The following FLVCR2 variants were observed in gnomAD, a reference collection of about 807,000 sequenced individuals.
FLVCR2 encodes choline/ethanolamine transporter FLVCR2.
Under a neutral mutation model 48.9 loss-of-function variants are expected in FLVCR2, and 38 were observed. That is an observed-to-expected ratio of 0.78 (90% CI 0.60 to 1.02). The LOEUF (loss-of-function observed/expected upper bound fraction) is 1.02. Among genes scored for constraint, FLVCR2 ranks in the 50% least tolerant of loss-of-function variants. FLVCR2 has a pLI of 0.00. For missense variants in FLVCR2, 664 were observed against 663.3 expected (o/e 1.00, Z -0.01); for synonymous variants, 255 against 257.0 (o/e 0.99, Z 0.07).
intron 9 of FLVCR2, among the ~76,000 whole-genome samples, chr14:75,643,657 A>G (rs1243868065): frequency 6.6e-6 from 1 of 152,242 alleles, no homozygotes; most frequent in East Asian, 1.9e-4. Flanking sequence ...AGCCTAGAAC[A>G]GGAAATTCAC....
intron 1 of FLVCR2, chr14:75,596,064 T>C: frequency 8.1e-7 from 1 of 1,241,626 alleles, no homozygotes; most frequent in South Asian, 1.2e-5. Flanking sequence ...TGTGGTCTTG[T>C]ACATTTTGGC....
chr14:75,591,368 T>G (rs1410049987), intron 1 of FLVCR2, among the ~76,000 whole-genome samples: 19 of 152,198 alleles, frequency 1.2e-4, no homozygotes. Flanking sequence ...ATCTTAAACC[T>G]CCAGAATAAT....
Position 75,622,069 on chromosome 14 carries a change from T to C in FLVCR2, c.670-10T>C. 1 of 1,614,172 alleles carries C rather than the reference T, an allele frequency of 6.2e-7. No individual in the cohort carries two copies. The highest frequency in any genetic ancestry group is 8.5e-7 in the Non-Finnish European group (1 of 1,180,000). On this transcript the variant is annotated splice_polypyrimidine_tract_variant and intron_variant, in intron 1 of 9. Coordinates refer to ENST00000238667, the MANE Select transcript of FLVCR2 (RefSeq NM_017791.3). ...GGTAACTGTGATTGGGTTGTCTCTG[T>C]CTTCTATAGCTTGGAATTGCGATTG...
At chr14:75,599,995 T>G (rs898076264) in intron 1 of FLVCR2, among the ~76,000 whole-genome samples, 2 of 152,160 alleles carry the variant, frequency 1.3e-5, no homozygotes, top group Non-Finnish European at 2.9e-5. Context: ...TGACACCTAC[T>G]GGGCTGCACT....
chr14:75,638,617 G>A (rs534555816), intron 5 of FLVCR2, among the ~76,000 whole-genome samples: 9 of 152,226 alleles, frequency 5.9e-5, no homozygotes, highest in East Asian at 1.9e-4. Context: ...GAATGTCACC[G>A]CCACCTCATC....
intron 1 of FLVCR2, among the ~76,000 whole-genome samples, chr14:75,605,006 A>G (rs10047822): frequency 0.33 from 50,150 of 152,072 alleles, 10,854 homozygotes; most frequent in East Asian, 0.65. Flanking sequence ...CTTTAGTCTC[A>G]CAAACCTGAG....
intron 3 of FLVCR2, 58 bp from the exon 4 acceptor site, chr14:75,633,571 A>G: frequency 2.2e-6 from 3 of 1,355,800 alleles, no homozygotes; most frequent in Non-Finnish European, 3.2e-6. Context: ...GGGAGAAGTT[A>G]GCAATGGCCC....
At chr14:75,637,880 C>T (rs546610442) in intron 5 of FLVCR2, among the ~76,000 whole-genome samples, 29 of 151,972 alleles carry the variant, frequency 1.9e-4, no homozygotes, top group African/African-American at 6.0e-4. Context: ...TTGCAGGAGT[C>T]GGGGCTGCAT....
At chr14:75,606,271 C>A (rs889428849) in intron 1 of FLVCR2, among the ~76,000 whole-genome samples, 1 of 152,178 alleles carries the variant, frequency 6.6e-6, no homozygotes. Context: ...AAGTGATCTG[C>A]CTTCCTCTGT....
In FLVCR2 at chr14:75,641,058, C is replaced by T; in HGVS notation, c.1339C>T (p.Gln447Ter). The part of the protein sequence containing the change: ...ISSGLLNISA[Q>*]VFGIIFTISQ... ...CTCCGGCCTCCTCAACATATCTGCA[C>T]AGGTAGAGCTCGTATTTCCTGTTTG... The change falls in exon 7 of 10, where the codon CAG becomes TAG. Residue 447 changes from glutamine to a stop codon, truncating the protein, a stop_gained and splice_region_variant. Coordinates refer to ENST00000238667, the MANE Select transcript of FLVCR2 (RefSeq NM_017791.3). LOFTEE classifies it high-confidence loss of function. The T allele has an allele frequency of 6.2e-7, 1 of 1,611,108 alleles. No homozygotes were observed. The highest frequency in any genetic ancestry group is 8.5e-7 in the Non-Finnish European group (1 of 1,177,222).
chr14:75,618,353 G>A (rs917459566), intron 1 of FLVCR2, among the ~76,000 whole-genome samples: 2 of 152,182 alleles, frequency 1.3e-5, no homozygotes, highest in Admixed American at 6.5e-5. Flanking sequence ...TACTGGTGAC[G>A]TTTGTTATGG....
chr14:75,621,362 T>C (rs894395025), intron 1 of FLVCR2, among the ~76,000 whole-genome samples: 3 of 150,890 alleles, frequency 2.0e-5, no homozygotes, highest in Non-Finnish European at 2.9e-5. Context: ...GAGCCGAGAT[T>C]GCGCCACTGC....
chr14:75,601,249 C>A (rs979642018), intron 1 of FLVCR2, among the ~76,000 whole-genome samples: 3 of 152,250 alleles, frequency 2.0e-5, no homozygotes, highest in Non-Finnish European at 4.4e-5. Context: ...CTTAAGAATG[C>A]CTTTAAGCGG....
At chr14:75,622,306 G>A in intron 2 of FLVCR2, 86 bp downstream of exon 2, 1 of 1,264,458 alleles carries the variant, frequency 7.9e-7, no homozygotes, top group South Asian at 1.2e-5. Context: ...TTGTGAACAT[G>A]CCCTGAAATA....
At chr14:75,625,449 G>T (rs1173795162) in intron 3 of FLVCR2, among the ~76,000 whole-genome samples, 1 of 151,866 alleles carries the variant, frequency 6.6e-6, no homozygotes, top group African/African-American at 2.4e-5. Context: ...AAGATTGTTG[G>T]ATCGAACAAG....
chr14:75,623,559 C>G (rs1425545531), intron 2 of FLVCR2, among the ~76,000 whole-genome samples: 1 of 152,124 alleles, frequency 6.6e-6, no homozygotes, highest in African/African-American at 2.4e-5. Context: ...TTGGGTACCT[C>G]ATTCAACCGT....
At position 75,616,337 on chromosome 14, in the gene FLVCR2, A is replaced by T. The variant is rs181242878; in HGVS notation, c.670-5742A>T. Reference sequence around the variant, plus strand: ...TGAGACTCTGTCTCAAAAAAAAAAAATTTTTTTTAATTTAAAAAATAAAAA... The same window carrying T: ...TGAGACTCTGTCTCAAAAAAAAAAATTTTTTTTTAATTTAAAAAATAAAAA... On this transcript the variant is annotated intron_variant, in intron 1 of 9. Coordinates refer to ENST00000238667, the MANE Select transcript of FLVCR2 (RefSeq NM_017791.3). Among the ~76,000 whole-genome samples the T allele has an allele frequency of 6.3e-3, 952 of 151,500 alleles. 9 individuals are homozygous for T. Among genetic ancestry groups the T allele is most frequent in the African/African-American group, 0.018 (753 of 41,268 alleles).
rs1385800204 is a variant in FLVCR2, at chr14:75,647,229, G to C, written c.*757G>C. The C allele has an allele frequency of 1.3e-5, 2 of 152,352 alleles. No homozygotes were observed. The highest frequency in any genetic ancestry group is 2.9e-5 in the Non-Finnish European group (2 of 68,168). The allele number at this position is 152,352 out of a possible 1,614,324, so 9.4% of individuals were successfully genotyped here. A position where few individuals can be genotyped will look rare whatever the true frequency, so the allele number is the denominator to read the frequency against. The stretch of plus-strand genomic sequence containing the variant: ...AAGCACATATTTGGGAACTCTGGTA[G>C]CTTGAGTTGGGAATGGGAAGGTTCT... On this transcript the variant is annotated 3_prime_UTR_variant, in exon 10 of 10. Coordinates refer to ENST00000238667, the MANE Select transcript of FLVCR2 (RefSeq NM_017791.3).
intron 3 of FLVCR2, among the ~76,000 whole-genome samples, chr14:75,627,032 A>G (rs1889915795): frequency 6.6e-6 from 1 of 151,928 alleles, no homozygotes; most frequent in South Asian, 2.1e-4. Context: ...TCACTGACTC[A>G]TGAGAACAAG....
Sources: allele counts gnomAD v4.1 joint callset (sites outside exome capture counted in the v4.1 genomes callset), GRCh38; gene constraint gnomAD v4.1.1; transcripts MANE v1.5; gene names NCBI Gene and HGNC (gene_info 2026-07-23, HGNC 2026-07-21).